Variants in ADAD1 observed in about 807,000 individuals in gnomAD.
The protein encoded by ADAD1 is adenosine deaminase domain-containing protein 1.
A neutral mutation model predicts 66.8 loss-of-function variants in ADAD1; 46 were observed. The observed-to-expected ratio is 0.69, with a 90% CI of 0.54 to 0.88. ADAD1 has a LOEUF of 0.88. Among genes scored for constraint, ADAD1 ranks in the 40% least tolerant of loss-of-function variants. ADAD1 has a pLI of 0.00. For missense variants in ADAD1, 617 were observed against 681.8 expected (o/e 0.91, Z 1.06); for synonymous variants, 248 against 229.4 (o/e 1.08, Z -0.73).
chr4:122,409,149 G>A (rs1796359989), intron 8 of ADAD1, among the ~76,000 whole-genome samples: 1 of 152,084 alleles, frequency 6.6e-6, no homozygotes, highest in African/African-American at 2.4e-5. Flanking sequence ...GGGAGAAAAG[G>A]GCTTAGGTGA....
At chr4:122,388,441 G>C (rs112325441) in intron 5 of ADAD1, among the ~76,000 whole-genome samples, 11 of 152,270 alleles carry the variant, frequency 7.2e-5, no homozygotes, top group African/African-American at 2.6e-4. Flanking sequence ...CAGAAGGAAT[G>C]GTACCAGCTC....
intron 6 of ADAD1, among the ~76,000 whole-genome samples, chr4:122,395,611 G>A (rs971096518): frequency 6.6e-6 from 1 of 151,214 alleles, no homozygotes; most frequent in African/African-American, 2.4e-5. Context: ...AACCCGGGAG[G>A]CCGAGATCAT....
chr4:122,390,820 C>A (rs1375767949), intron 5 of ADAD1, among the ~76,000 whole-genome samples: 1 of 152,110 alleles, frequency 6.6e-6, no homozygotes, highest in Admixed American at 6.5e-5. Flanking sequence ...TTTAGCTCAG[C>A]GAAGTTTTTT....
At chr4:122,384,376 A>G (rs1047931675) in intron 5 of ADAD1, among the ~76,000 whole-genome samples, 1 of 152,226 alleles carries the variant, frequency 6.6e-6, no homozygotes, top group Non-Finnish European at 1.5e-5. Flanking sequence ...CTAAGGTAGC[A>G]TAGCAAATAG....
chr4:122,429,592 A>G (rs779090480), intron 12 of ADAD1, 34 bp from the exon 13 acceptor site: 2 of 1,390,654 alleles, frequency 1.4e-6, no homozygotes, highest in Non-Finnish European at 2.0e-6. Context: ...AATGCTGCCT[A>G]TTTTCTATAA....
At chr4:122,388,449 C>T (rs1795279130) in intron 5 of ADAD1, among the ~76,000 whole-genome samples, 1 of 152,172 alleles carries the variant, frequency 6.6e-6, no homozygotes, top group South Asian at 2.1e-4. Context: ...ATGGTACCAG[C>T]TCCTCTTTGT....
At chr4:122,405,301 T>C (rs1190909907) in intron 7 of ADAD1, among the ~76,000 whole-genome samples, 1 of 152,158 alleles carries the variant, frequency 6.6e-6, no homozygotes, top group Non-Finnish European at 1.5e-5. Flanking sequence ...GAAACCCTCC[T>C]TTAAACCCAT....
At chr4:122,413,667 T>C (rs2150584281) in intron 10 of ADAD1, among the ~76,000 whole-genome samples, 1 of 151,978 alleles carries the variant, frequency 6.6e-6, no homozygotes. Context: ...ACTTTAAATA[T>C]AGTTCGTGGA....
intron 11 of ADAD1, among the ~76,000 whole-genome samples, chr4:122,418,088 CAG>C (rs1203628778): frequency 1.3e-5 from 2 of 151,718 alleles, no homozygotes; most frequent in South Asian, 2.1e-4. Flanking sequence ...ACAAAAAAGT[CAG>C]AATTACTTAT....
At chr4:122,429,386 C>T (rs999050052) in intron 12 of ADAD1, among the ~76,000 whole-genome samples, 1 of 150,888 alleles carries the variant, frequency 6.6e-6, no homozygotes, top group East Asian at 1.9e-4. Flanking sequence ...TGCCACCATA[C>T]TCCAACCTGC....
At position 122,414,279 on chromosome 4, in the gene ADAD1, G is replaced by GT. The variant is rs559207741; in HGVS notation, c.1250-1100_1250-1099insT. On this transcript the variant is annotated intron_variant, in intron 10 of 12. Coordinates refer to ENST00000296513, the MANE Select transcript of ADAD1 (RefSeq NM_139243.4). ...TTTTCCAAATGTCTTTTTTTTTGGG[G>GT]GGGGGGGTACAACTACTGTCATTAT... Among the ~76,000 whole-genome samples, 15 of 128,350 alleles carry GT rather than the reference G, an allele frequency of 1.2e-4. 1 individual carries two copies. The highest frequency in any genetic ancestry group is 6.3e-4 in the South Asian group (2 of 3,180). The allele number at this position is 128,350 out of a possible 152,430, so 84.2% of individuals were successfully genotyped here.
intron 7 of ADAD1, among the ~76,000 whole-genome samples, chr4:122,402,881 T>G (rs1457943024): frequency 1.3e-5 from 2 of 152,170 alleles, no homozygotes; most frequent in Non-Finnish European, 2.9e-5. Context: ...CTCTGGAGAC[T>G]TTTTTATCCA....
chr4:122,380,051 G>T lies in ADAD1; in HGVS notation c.-8-11G>T, dbSNP rs751518290. 1.9e-6 allele frequency: 3 copies of T among 1,592,410 alleles called. No homozygotes were observed. The African/African-American group carries it at 4.1e-5, about 22-fold the overall frequency. On this transcript the variant is annotated splice_polypyrimidine_tract_variant and intron_variant, in intron 2 of 12. Transcript: ENST00000296513. ...TGTCTTGTTTTCTGCCAATTTTATC[G>T]TGACCTCTAGGTGAGAAAATGGCTA...
intron 9 of ADAD1, 108 bp downstream of exon 9, chr4:122,411,500 C>T: frequency 8.7e-7 from 1 of 1,155,426 alleles, no homozygotes; most frequent in Middle Eastern, 2.1e-4. Context: ...CGTATTTTCT[C>T]TTCAGCTTTG....
chr4:122,383,227 C>T (rs1794989898), intron 4 of ADAD1, among the ~76,000 whole-genome samples: 1 of 152,048 alleles, frequency 6.6e-6, no homozygotes, highest in Non-Finnish European at 1.5e-5. Context: ...TCTCTCTCCC[C>T]ACCTCCTCTC....
intron 5 of ADAD1, among the ~76,000 whole-genome samples, chr4:122,386,624 G>A (rs1241520342): frequency 1.3e-5 from 2 of 152,128 alleles, no homozygotes; most frequent in Non-Finnish European, 2.9e-5. Context: ...CCTGTGTCCT[G>A]AATGGTATTG....
intron 7 of ADAD1, among the ~76,000 whole-genome samples, chr4:122,406,163 A>G (rs1197163780): frequency 6.6e-6 from 1 of 152,192 alleles, no homozygotes; most frequent in African/African-American, 2.4e-5. Context: ...ATAGTTTTCC[A>G]CAATGCCTAT....
intron 6 of ADAD1, 73 bp downstream of exon 6, chr4:122,393,730 T>C: frequency 8.6e-7 from 1 of 1,164,078 alleles, no homozygotes; most frequent in Non-Finnish European, 1.2e-6. Flanking sequence ...ATAATTAAAA[T>C]AAGCATAGGT....
intron 5 of ADAD1, among the ~76,000 whole-genome samples, chr4:122,391,088 G>A (rs568634334): frequency 6.6e-6 from 1 of 152,102 alleles, no homozygotes; most frequent in African/African-American, 2.4e-5. Flanking sequence ...CTTTCTGCTT[G>A]TTCGTTTTTC....
Sources: gnomAD v4.1 joint callset for allele counts (sites outside exome capture counted in the v4.1 genomes callset) on GRCh38, gnomAD v4.1.1 for gene constraint, MANE v1.5 for transcripts, NCBI Gene and HGNC (gene_info 2026-07-23, HGNC 2026-07-21) for gene names.